Variants in PCDHGA5 observed in about 807,000 individuals in gnomAD.
PCDHGA5 encodes the protein protocadherin gamma subfamily A, 5.
A neutral mutation model predicts 56.7 loss-of-function variants in PCDHGA5; 36 were observed. The ratio of observed to expected loss-of-function variants is 0.64; its 90% confidence interval spans 0.49 to 0.84. The LOEUF (loss-of-function observed/expected upper bound fraction) is 0.84, where lower values mean the gene tolerates loss of function less well. Among genes scored for constraint, PCDHGA5 ranks in the 40% least tolerant of loss-of-function variants. The pLI is 0.00. For synonymous variants in PCDHGA5, 563 were observed against 520.2 expected, an observed-to-expected ratio of 1.08 and a Z score of -1.12; for missense variants, 1,305 against 1,201.5, an observed-to-expected ratio of 1.09 and a Z score of -1.27.
At chr5:141,371,254 A>T in intron 1 of PCDHGA5, 1 of 1,614,046 alleles carries the variant, frequency 6.2e-7, no homozygotes, top group Admixed American at 1.7e-5. Context: ...ATTGGCAAGG[A>T]AGTGAGACAA....
intron 1 of PCDHGA5, among the ~76,000 whole-genome samples, chr5:141,433,680 A>G (rs570459317): frequency 1.3e-5 from 2 of 152,236 alleles, no homozygotes; most frequent in African/African-American, 4.8e-5. Context: ...TACTAAAAAA[A>G]TACAAAATTA....
intron 1 of PCDHGA5, chr5:141,421,662 G>C: frequency 5.6e-6 from 9 of 1,613,844 alleles, no homozygotes; most frequent in Non-Finnish European, 7.6e-6. Context: ...AAGTCAGTGA[G>C]CACGCAATTC....
chr5:141,413,711 A>G (rs752076648), intron 1 of PCDHGA5: 199 of 1,613,564 alleles, frequency 1.2e-4, no homozygotes, highest in Non-Finnish European at 1.4e-4. Context: ...CTCAGCCCCA[A>G]TAAGCACTTC....
chr5:141,373,190 A>G (rs746967409), intron 1 of PCDHGA5, among the ~76,000 whole-genome samples: 1 of 152,254 alleles, frequency 6.6e-6, no homozygotes, highest in Non-Finnish European at 1.5e-5. Flanking sequence ...ATGAAACATT[A>G]TGTATATCTT....
At chr5:141,453,871 A>T (rs561367146) in intron 1 of PCDHGA5, among the ~76,000 whole-genome samples, 8 of 152,364 alleles carry the variant, frequency 5.3e-5, no homozygotes, top group African/African-American at 1.9e-4. Flanking sequence ...ACAGATGAGC[A>T]AAATAATGTG....
Position 141,422,964 on chromosome 5 carries a change from G to C in PCDHGA5, c.2421+56213G>C, listed in dbSNP as rs375881737. 1.0e-4 allele frequency: 161 copies of C among 1,614,190 alleles called. No individual in the cohort carries two copies. In the African/African-American group the frequency reaches 1.9e-3, roughly 20 times the overall value. ...ACGGCTCCACTGGCGTGGAGCTGGC[G>C]CCCCGCTCTGCGGAACCTGGCTACC... On this transcript the variant is annotated intron_variant, in intron 1 of 3. Coordinates refer to ENST00000518069, the MANE Select transcript of PCDHGA5 (RefSeq NM_018918.3).
At chr5:141,464,480 A>T (rs1013894368) in intron 1 of PCDHGA5, among the ~76,000 whole-genome samples, 4 of 151,864 alleles carry the variant, frequency 2.6e-5, no homozygotes, top group African/African-American at 7.3e-5. Flanking sequence ...CGTATAATAA[A>T]TTCCTAATAG....
At chr5:141,500,369 C>T (rs1034629981) in intron 2 of PCDHGA5, among the ~76,000 whole-genome samples, 4 of 151,866 alleles carry the variant, frequency 2.6e-5, no homozygotes, top group Admixed American at 6.6e-5. Flanking sequence ...CTACCACGCC[C>T]GGCTAATTAT....
chr5:141,494,953 T>G, intron 2 of PCDHGA5, 88 bp downstream of exon 2: 1 of 1,604,164 alleles, frequency 6.2e-7, no homozygotes, highest in Non-Finnish European at 8.5e-7. Flanking sequence ...GCCCAGCATT[T>G]GCTACAGATG....
intron 1 of PCDHGA5, among the ~76,000 whole-genome samples, chr5:141,466,757 T>G (rs1486124876): frequency 6.6e-6 from 1 of 152,224 alleles, no homozygotes; most frequent in Non-Finnish European, 1.5e-5. Context: ...AGGGGCTCTT[T>G]TCAAACTGTT....
At chr5:141,413,248 G>C in intron 1 of PCDHGA5, 1 of 1,613,962 alleles carries the variant, frequency 6.2e-7, no homozygotes, top group Non-Finnish European at 8.5e-7. Context: ...CCTTTTCTTC[G>C]GGATTCCATG....
rs377547144 is a variant in PCDHGA5, at chr5:141,409,030, G to A, written c.2421+42279G>A. The stretch of plus-strand genomic sequence containing the variant: ...ACCAGGATGAGGGGGTCAATGCTGA[G>A]ATAAACTACTACTTCCGAAGCACTG... On this transcript the variant is annotated intron_variant, in intron 1 of 3. Transcript: ENST00000518069. 9.9e-6 allele frequency: 16 copies of A among 1,613,892 alleles called. No homozygotes were observed. The African/African-American group carries it at 2.0e-4, about 20-fold the overall frequency.
chr5:141,415,107 A>C (rs372656276), intron 1 of PCDHGA5: 12 of 1,613,634 alleles, frequency 7.4e-6, no homozygotes, highest in East Asian at 2.2e-5. Context: ...CGCTCAAGCA[A>C]AGCCTCGTAG....
intron 1 of PCDHGA5, among the ~76,000 whole-genome samples, chr5:141,466,358 A>G (rs1210013683): frequency 6.6e-6 from 1 of 152,066 alleles, no homozygotes; most frequent in Admixed American, 6.5e-5. Flanking sequence ...GCTAATCTAG[A>G]TGTAATGGTT....
chr5:141,438,576 A>C (rs1016175176), intron 1 of PCDHGA5, among the ~76,000 whole-genome samples: 4 of 55,572 alleles, frequency 7.2e-5, no homozygotes, highest in Non-Finnish European at 1.2e-4. Context: ...TCTGATATAC[A>C]TACATACATA....
intron 1 of PCDHGA5, among the ~76,000 whole-genome samples, chr5:141,463,460 T>TTTC (rs1554144872): frequency 7.4e-6 from 1 of 136,038 alleles, no homozygotes; most frequent in South Asian, 2.5e-4. Context: ...TTTTTTTTTT[T>TTTC]TTTTTTGAGA....
chr5:141,455,759 A>G (rs1013283124), intron 1 of PCDHGA5, among the ~76,000 whole-genome samples: 4 of 152,300 alleles, frequency 2.6e-5, no homozygotes, highest in South Asian at 4.1e-4. Context: ...CCTGGCTCCT[A>G]GAGCCGGGGC....
rs576044355 is a variant in PCDHGA5 at position 141,375,342 on chromosome 5, T to A, written c.2421+8591T>A. 97 of 1,613,798 alleles carry A rather than the reference T, an allele frequency of 6.0e-5. 3 individuals are homozygous for A. In the South Asian group the frequency reaches 9.8e-4, roughly 16 times the overall value. On this transcript the variant is annotated intron_variant, in intron 1 of 3. Transcript: ENST00000518069. Reference sequence around the variant, plus strand: ...CGGGAAGAGGTATTCTTGTACAACATCACTGTGACAGCCACGGACAAAGGA... The same window carrying A: ...CGGGAAGAGGTATTCTTGTACAACAACACTGTGACAGCCACGGACAAAGGA...
chr5:141,431,901 A>G lies in PCDHGA5; in HGVS notation c.2422-62906A>G, dbSNP rs1373642371. 5.0e-6 allele frequency: 8 copies of G among 1,613,872 alleles called. No homozygotes were observed. The highest frequency in any genetic ancestry group is 1.6e-4 in the Middle Eastern group (1 of 6,062). On this transcript the variant is annotated intron_variant, in intron 1 of 3. Coordinates refer to ENST00000518069, the MANE Select transcript of PCDHGA5 (RefSeq NM_018918.3). This position sits in a 1 kb window ranked among gnomAD's most constrained non-coding sequence, Gnocchi z 4.8. Reference sequence around the variant, plus strand: ...GACCAAGATTCTGAGGAAAACGGACAGGTGATCTGTTTCATCCAAGGAAAT... The same window carrying G: ...GACCAAGATTCTGAGGAAAACGGACGGGTGATCTGTTTCATCCAAGGAAAT...
Sources: gnomAD v4.1 joint callset for allele counts (sites outside exome capture counted in the v4.1 genomes callset) on GRCh38, gnomAD v4.1.1 for gene constraint, Gnocchi (gnomAD v3.1) non-coding constraint, MANE v1.5 for transcripts, NCBI Gene and HGNC (gene_info 2026-07-23, HGNC 2026-07-21) for gene names.